Variants in VPS13D observed in about 807,000 individuals in gnomAD.
The protein encoded by VPS13D is intermembrane lipid transfer protein VPS13D.
In VPS13D, 187 loss-of-function variants were observed where a neutral mutation model predicts 461.9. The ratio of observed to expected loss-of-function variants is 0.40; its 90% CI spans 0.36 to 0.46. The LOEUF (loss-of-function observed/expected upper bound fraction) is 0.46, where lower values mean the gene tolerates loss of function less well. VPS13D is among the 20% of genes least tolerant of loss of function. The pLI is 0.60. For synonymous variants in VPS13D, 1,951 were observed against 1,986.3 expected, an observed-to-expected ratio of 0.98 and a Z score of 0.47; for missense variants, 4,711 against 5,364.9, an observed-to-expected ratio of 0.88 and a Z score of 3.81.
rs777169953 is a variant in VPS13D, at chr1:12,333,197, C to G, written c.8288-29C>G. On this transcript the variant is annotated intron_variant, in intron 37 of 69. Transcript: ENST00000620676. ...CTATAAACTCTTGATATCTGCTGAA[C>G]AGATGTCTTATTTCCTGTGTTCTTT... The G allele has an allele frequency of 1.9e-6, 3 of 1,610,194 alleles. 1 individual carries two copies. In the South Asian group the frequency reaches 3.3e-5, roughly 18 times the overall value.
Position 12,354,074 on chromosome 1 carries a change from A to T in VPS13D, c.9532A>T (p.Ile3178Leu). 1 of 1,614,180 alleles carries T rather than the reference A, an allele frequency of 6.2e-7. No homozygotes were observed. The highest frequency in any genetic ancestry group is 8.5e-7 in the Non-Finnish European group (1 of 1,180,038). Reference protein sequence around the residue: ...KQIFRQPGHTIYLLPTVVICN... With the variant: ...KQIFRQPGHTLYLLPTVVICN... ...GATTTTCAGACAGCCTGGGCATACC[A>T]TATATCTCCTGCCAACTGTGGTAAT... The change falls in exon 47 of 70, where the codon ATA (isoleucine) becomes TTA (leucine). Residue 3178 changes from isoleucine (I) to leucine (L), a missense_variant. Ile to Leu is a conservative substitution (Grantham distance 5). This residue lies in a region of VPS13D where 4,411 missense variants were observed against 4,937.8 expected (regional missense o/e 0.89). Coordinates refer to ENST00000620676, the MANE Select transcript of VPS13D (RefSeq NM_015378.4).
chr1:12,401,482 T>C, intron 61 of VPS13D, 126 bp from the exon 62 acceptor site: 3 of 588,354 alleles, frequency 5.1e-6, no homozygotes, highest in South Asian at 2.6e-5. Context: ...CAGAAATAAT[T>C]TGGCATTATA....
rs1307167096 is a variant in VPS13D, at chr1:12,323,687, T to A, written c.7916-19T>A. Reference sequence around the variant, plus strand: ...TACATAAAATTATTTATGAAAATTTTATGCTATTTGTTTCCTAGAGTTACA... The same window carrying A: ...TACATAAAATTATTTATGAAAATTTAATGCTATTTGTTTCCTAGAGTTACA... On this transcript the variant is annotated intron_variant, in intron 34 of 69. Transcript: ENST00000620676. The A allele has an allele frequency of 6.2e-7, 1 of 1,607,730 alleles. No homozygotes were observed. Among genetic ancestry groups the A allele is most frequent in the South Asian group, 1.1e-5 (1 of 89,692 alleles).
At chr1:12,459,948 ATTTTTTTTTTT>A (rs779399019) in intron 66 of VPS13D, among the ~76,000 whole-genome samples, 1 of 122,132 alleles carries the variant, frequency 8.2e-6, no homozygotes, top group Non-Finnish European at 1.7e-5. Flanking sequence ...CTTTTCTCTG[ATTTTTTTTTTT>A]TTTTTTTTTT....
intron 63 of VPS13D, among the ~76,000 whole-genome samples, chr1:12,414,715 T>C (rs1219655571): frequency 6.6e-6 from 1 of 152,204 alleles, no homozygotes; most frequent in Non-Finnish European, 1.5e-5. Flanking sequence ...GTGTTCACTT[T>C]GGGAAAAATC....
chr1:12,479,127 G>A (rs915792113), intron 67 of VPS13D, among the ~76,000 whole-genome samples: 1 of 152,250 alleles, frequency 6.6e-6, no homozygotes, highest in African/African-American at 2.4e-5. Flanking sequence ...TAGGCACATT[G>A]TCACAGCAAG....
intron 27 of VPS13D, among the ~76,000 whole-genome samples, chr1:12,311,165 C>T (rs1345062688): frequency 6.6e-6 from 1 of 152,132 alleles, no homozygotes; most frequent in Non-Finnish European, 1.5e-5. Context: ...ATCCTCCCAC[C>T]TCAGCCTCCC....
chr1:12,497,563 A>G lies in VPS13D; in HGVS notation c.12726A>G (p.Arg4242=), dbSNP rs750180977. The G allele has an allele frequency of 2.4e-5, 38 of 1,613,984 alleles. No individual in the cohort carries two copies. Among genetic ancestry groups the G allele is most frequent in the Non-Finnish European group, 3.1e-5 (36 of 1,180,010 alleles). Residue 4242 remains arginine, a synonymous_variant, in exon 68 of 70, where the codon CGA becomes CGG. Coordinates refer to ENST00000620676, the MANE Select transcript of VPS13D (RefSeq NM_015378.4). Reference sequence around the variant, plus strand: ...CGGGGCCCCAGGGGCTGCTTCCCCGATATTCTGAGAGCCAGGCGGAAGGAC... The same window carrying G: ...CGGGGCCCCAGGGGCTGCTTCCCCGGTATTCTGAGAGCCAGGCGGAAGGAC... The part of the protein sequence containing the change: ...CCTGPQGLLP[R]YSESQAEGQE...
At chr1:12,397,894 C>G (rs1644520378) in intron 60 of VPS13D, among the ~76,000 whole-genome samples, 1 of 152,124 alleles carries the variant, frequency 6.6e-6, no homozygotes, top group Admixed American at 6.5e-5. Flanking sequence ...AGGACTTGCC[C>G]ACATTTTAGA....
chr1:12,327,474 C>A (rs540386638), intron 35 of VPS13D, among the ~76,000 whole-genome samples, 174 bp from the exon 36 acceptor site: 1 of 141,854 alleles, frequency 7.0e-6, no homozygotes, highest in African/African-American at 2.6e-5. Flanking sequence ...TCCCACCCCC[C>A]ACCCCCACCA....
intron 36 of VPS13D, among the ~76,000 whole-genome samples, chr1:12,329,520 T>C (rs1226888053): frequency 6.6e-6 from 1 of 152,192 alleles, no homozygotes; most frequent in Admixed American, 6.5e-5. Flanking sequence ...GCCAGAAATA[T>C]CTTTTATGTT....
chr1:12,329,360 C>T (rs1643271985), intron 36 of VPS13D, among the ~76,000 whole-genome samples: 1 of 152,058 alleles, frequency 6.6e-6, no homozygotes, highest in Non-Finnish European at 1.5e-5. Context: ...ATTACAGGCG[C>T]CCGCTACCAC....
At chr1:12,338,105 C>CTCTG in intron 39 of VPS13D, 126 bp from the exon 40 acceptor site, 1 of 797,362 alleles carries the variant, frequency 1.3e-6, no homozygotes. Context: ...ATGGGAATGA[C>CTCTG]TCTGTACTTG....
At chr1:12,333,118 G>A (rs1643371398) in intron 37 of VPS13D, 108 bp from the exon 38 acceptor site, 1 of 1,327,936 alleles carries the variant, frequency 7.5e-7, no homozygotes, top group Non-Finnish European at 1.0e-6. Flanking sequence ...ATTGGAAGTA[G>A]AAAGCTATTA....
At chr1:12,290,702 G>C (rs1385946697) in intron 22 of VPS13D, among the ~76,000 whole-genome samples, 1 of 149,730 alleles carries the variant, frequency 6.7e-6, no homozygotes, top group Non-Finnish European at 1.5e-5. Flanking sequence ...CAGCCTGGGC[G>C]ACAGAGCTAG....
At position 12,505,483 on chromosome 1, in the gene VPS13D, G is replaced by A. The variant is rs1646093251; in HGVS notation, c.12795-1370G>A. 6.6e-6 allele frequency among the ~76,000 whole-genome samples: 1 copy of A among 152,178 alleles called. No individual in the cohort carries two copies. The highest frequency in any genetic ancestry group is 6.5e-5 in the Admixed American group (1 of 15,276). ...AATAGAACAATAAATCCCAGTTTTTGTCATGGGCGTCTGTAATTAAAATGG... is the reference window on the plus strand; with the variant it reads ...AATAGAACAATAAATCCCAGTTTTTATCATGGGCGTCTGTAATTAAAATGG... On this transcript the variant is annotated intron_variant, in intron 68 of 69. Coordinates refer to ENST00000620676, the MANE Select transcript of VPS13D (RefSeq NM_015378.4). The surrounding 1 kb of genome is among the most constrained non-coding windows in gnomAD (Gnocchi z 4.2).
At chr1:12,416,855 A>G in intron 65 of VPS13D, 28 bp downstream of exon 65, 1 of 1,596,464 alleles carries the variant, frequency 6.3e-7, no homozygotes, top group Non-Finnish European at 8.5e-7. Context: ...AAATTCCATT[A>G]TAATTAACCT....
chr1:12,426,997 A>G (rs996060406), intron 65 of VPS13D, among the ~76,000 whole-genome samples: 3 of 152,126 alleles, frequency 2.0e-5, no homozygotes, highest in African/African-American at 7.2e-5. Flanking sequence ...CTAGGCGACA[A>G]GAGTGAGTCT....
rs531410244 is a variant in VPS13D, at chr1:12,475,901, A to C, written c.12662+15505A>C. ...GAAATCAATGTTTAAAAAAAAAAAA[A>C]CAAAAAACAAAAAAACACCTTGACA... On this transcript the variant is annotated intron_variant, in intron 67 of 69. Coordinates refer to ENST00000620676, the MANE Select transcript of VPS13D (RefSeq NM_015378.4). Among the ~76,000 whole-genome samples the C allele has an allele frequency of 7.2e-4, 110 of 152,028 alleles. 1 individual carries two copies. In the East Asian group the frequency reaches 0.019, roughly 27 times the overall value.
Sources: gnomAD v4.1 joint callset for allele counts (sites outside exome capture counted in the v4.1 genomes callset) on GRCh38, gnomAD v4.1.1 for gene constraint, gnomAD v4.1.1 regional missense constraint, Gnocchi (gnomAD v3.1) non-coding constraint, MANE v1.5 for transcripts, NCBI Gene and HGNC (gene_info 2026-07-23, HGNC 2026-07-21) for gene names.